SYT6: variants seen among roughly 807,000 people sequenced by gnomAD.
The protein encoded by SYT6 is synaptotagmin 6, also known as synaptotagmin-6.
SYT6 carries 24 observed loss-of-function variants against 38.4 expected under a neutral mutation model. That is an observed-to-expected ratio of 0.62 (90% CI 0.45 to 0.88). The LOEUF is 0.88. Ranked by LOEUF, SYT6 falls within the 40% of genes least tolerant of loss-of-function variation. The pLI is 0.00. For synonymous variants in SYT6, 265 were observed against 241.9 expected, an observed-to-expected ratio of 1.10 and a Z score of -0.89; for missense variants, 611 against 621.0, an observed-to-expected ratio of 0.98 and a Z score of 0.17.
At chr1:114,133,756 G>A (rs1379330062) in intron 3 of SYT6, among the ~76,000 whole-genome samples, 1 of 152,228 alleles carries the variant, frequency 6.6e-6, no homozygotes, top group African/African-American at 2.4e-5. Context: ...TGGCTCTCCA[G>A]CCAGTGGGGC....
At chr1:114,140,240 G>A (rs1206015730) in intron 1 of SYT6, among the ~76,000 whole-genome samples, 1 of 149,550 alleles carries the variant, frequency 6.7e-6, no homozygotes, top group Non-Finnish European at 1.5e-5. Flanking sequence ...CAGCCAGCTT[G>A]GGGAGCACCT....
chr1:114,106,851 A>G (rs1383518098), intron 3 of SYT6, among the ~76,000 whole-genome samples: 1 of 152,038 alleles, frequency 6.6e-6, no homozygotes, highest in Non-Finnish European at 1.5e-5. Context: ...GCCCCCCAGC[A>G]TCTAGTGACG....
intron 3 of SYT6, among the ~76,000 whole-genome samples, chr1:114,131,318 G>A (rs1364924167): frequency 6.6e-6 from 1 of 152,176 alleles, no homozygotes; most frequent in South Asian, 2.1e-4. Flanking sequence ...CAAGTCCAAA[G>A]AGAACAGAGG....
At chr1:114,144,671 T>G (rs1679063311) in intron 1 of SYT6, among the ~76,000 whole-genome samples, 1 of 152,306 alleles carries the variant, frequency 6.6e-6, no homozygotes, top group African/African-American at 2.4e-5. Flanking sequence ...TACTGAGTAC[T>G]TGCCATGTGC....
At chr1:114,121,443 T>C (rs1677395951) in intron 3 of SYT6, among the ~76,000 whole-genome samples, 1 of 152,196 alleles carries the variant, frequency 6.6e-6, no homozygotes, top group Non-Finnish European at 1.5e-5. Flanking sequence ...ACAGCCTCCA[T>C]GGTAGTCCTC....
At chr1:114,100,202 T>C (rs918880065) in intron 4 of SYT6, among the ~76,000 whole-genome samples, 1 of 152,186 alleles carries the variant, frequency 6.6e-6, no homozygotes, top group African/African-American at 2.4e-5. Flanking sequence ...ACCATCATAA[T>C]TGTTATTTAT....
At chr1:114,151,063 A>G (rs769437296) in intron 1 of SYT6, among the ~76,000 whole-genome samples, 2 of 152,156 alleles carry the variant, frequency 1.3e-5, no homozygotes, top group Non-Finnish European at 2.9e-5. Context: ...AACTGCAACA[A>G]ATGAAAAGCT....
intron 3 of SYT6, among the ~76,000 whole-genome samples, chr1:114,135,253 C>G (rs1678408005): frequency 6.6e-6 from 1 of 152,114 alleles, no homozygotes; most frequent in African/African-American, 2.4e-5. Context: ...CTGTCCTTCC[C>G]CACCTGATTT....
At chr1:114,115,997 G>A (rs999838989) in intron 3 of SYT6, among the ~76,000 whole-genome samples, 6 of 152,094 alleles carry the variant, frequency 3.9e-5, no homozygotes, top group Non-Finnish European at 8.8e-5. Flanking sequence ...GGTTTTGAAG[G>A]TGAAATTTCT....
rs533573970 is a variant in SYT6 at position 114,095,812 on chromosome 1, T to C, written c.1515+1915A>G. 2.0e-4 allele frequency among the ~76,000 whole-genome samples: 30 copies of C among 152,148 alleles called. No individual in the cohort carries two copies. In the South Asian group the frequency reaches 4.4e-3, roughly 22 times the overall value. ...AGTAGCTGGGACTACAGGTGCCCGC[T>C]ACCACACCTGGCTAATTTTTTGTAT... On this transcript the variant is annotated intron_variant, in intron 6 of 7. Transcript: ENST00000610222.
At position 114,091,058 on chromosome 1, in the gene SYT6, C is replaced by T. The variant is rs1290061652; in HGVS notation, c.*1076G>A. On this transcript the variant is annotated 3_prime_UTR_variant, in exon 8 of 8. Transcript: ENST00000610222. Reference sequence around the variant, plus strand: ...TTCATAGAAAGATGGACTCAAACTGCTATTTGGATTTCAAAACTCCCCATT... The same window carrying T: ...TTCATAGAAAGATGGACTCAAACTGTTATTTGGATTTCAAAACTCCCCATT... The T allele has an allele frequency of 6.5e-6, 1 of 152,836 alleles. No homozygotes were observed. The highest frequency in any genetic ancestry group is 2.4e-5 in the African/African-American group (1 of 41,430). The allele number at this position is 152,836 out of a possible 1,614,324, so 9.5% of individuals were successfully genotyped here.
At chr1:114,093,948 C>T (rs1283211206) in intron 6 of SYT6, 145 bp from the exon 7 acceptor site, 4 of 760,582 alleles carry the variant, frequency 5.3e-6, no homozygotes, top group Non-Finnish European at 8.9e-6. Context: ...TTCTACTTTT[C>T]TGTTACAACC....
chr1:114,116,298 C>T (rs142690333), intron 3 of SYT6, among the ~76,000 whole-genome samples: 1 of 152,152 alleles, frequency 6.6e-6, no homozygotes, highest in Non-Finnish European at 1.5e-5. Context: ...AGAAGCTAGG[C>T]CAGCAGGGGC....
intron 3 of SYT6, 139 bp downstream of exon 3, chr1:114,137,356 T>C: frequency 1.0e-6 from 1 of 976,042 alleles, no homozygotes; most frequent in Non-Finnish European, 1.5e-6. Flanking sequence ...ACTGGGCCAC[T>C]GGGCAGTTTC....
chr1:114,135,117 A>G (rs1678397839), intron 3 of SYT6, among the ~76,000 whole-genome samples: 1 of 152,068 alleles, frequency 6.6e-6, no homozygotes, highest in Non-Finnish European at 1.5e-5. Context: ...CAGCTCAGAC[A>G]GACGGTAAGA....
At chr1:114,109,114 G>A (rs923349461) in intron 3 of SYT6, among the ~76,000 whole-genome samples, 1 of 152,198 alleles carries the variant, frequency 6.6e-6, no homozygotes, top group African/African-American at 2.4e-5. Flanking sequence ...ACAGAGATGA[G>A]TCAGATGTGG....
At chr1:114,150,973 T>C (rs1040041155) in intron 1 of SYT6, among the ~76,000 whole-genome samples, 8 of 152,182 alleles carry the variant, frequency 5.3e-5, no homozygotes, top group Non-Finnish European at 1.0e-4. Context: ...AGCTAGAGAC[T>C]TAGAACAGGA....
intron 1 of SYT6, among the ~76,000 whole-genome samples, chr1:114,143,241 AT>A (rs1205352695): frequency 6.7e-6 from 1 of 148,890 alleles, no homozygotes; most frequent in African/African-American, 2.5e-5. Flanking sequence ...TAATAATTCT[AT>A]TTCTTTTTAT....
chr1:114,107,111 C>G (rs914935393), intron 3 of SYT6, among the ~76,000 whole-genome samples: 19 of 152,214 alleles, frequency 1.2e-4, no homozygotes, highest in African/African-American at 4.6e-4. Flanking sequence ...TCCCCACCAC[C>G]AAGTCCTACA....
Sources: allele counts gnomAD v4.1 joint callset (sites outside exome capture counted in the v4.1 genomes callset), GRCh38; gene constraint gnomAD v4.1.1; transcripts MANE v1.5; gene names NCBI Gene and HGNC (gene_info 2026-07-23, HGNC 2026-07-21).